Variants in SGMS1 observed in about 807,000 individuals in gnomAD.
SGMS1 encodes the protein sphingomyelin synthase 1.
In SGMS1, 13 loss-of-function variants were observed where a neutral mutation model predicts 46.2. The ratio of observed to expected loss-of-function variants is 0.28; its 90% CI spans 0.18 to 0.45. The LOEUF (loss-of-function observed/expected upper bound fraction) is 0.45. Among genes scored for constraint, SGMS1 ranks in the 20% least tolerant of loss-of-function variants. The pLI is 1.00. For missense variants in SGMS1, 324 were observed against 519.9 expected (o/e 0.62, Z 3.66); for synonymous variants, 203 against 187.8 (o/e 1.08, Z -0.66).
chr10:50,337,834 A>C lies in SGMS1; in HGVS notation c.623+5658T>G, dbSNP rs911399064. ...TTATGTTGGCTGATACCCACTTAAC[A>C]AATAAGGCCCCCAAAAGGCTTATCA... On this transcript the variant is annotated intron_variant, in intron 7 of 10. Transcript: ENST00000361781. 2.0e-5 allele frequency among the ~76,000 whole-genome samples: 3 copies of C among 151,850 alleles called. No homozygotes were observed. In the East Asian group the frequency reaches 5.8e-4, roughly 29 times the overall value.
chr10:50,319,307 CT>C lies in SGMS1; in HGVS notation c.742-7893del, dbSNP rs555003803. 2.6e-5 allele frequency among the ~76,000 whole-genome samples: 4 copies of C among 152,242 alleles called. No homozygotes were observed. In the South Asian group the frequency reaches 8.3e-4, roughly 32 times the overall value. ...TCACATTTTCTTCTCCTTTCTCTCA[CT>C]TTTTTTCCTGGGTCCCTTGGGAAGA... On this transcript the variant is annotated intron_variant, in intron 8 of 10. Coordinates refer to ENST00000361781, the MANE Select transcript of SGMS1 (RefSeq NM_147156.4).
chr10:50,518,521 G>C (rs1451735817), intron 3 of SGMS1, among the ~76,000 whole-genome samples: 2 of 152,126 alleles, frequency 1.3e-5, no homozygotes, highest in Non-Finnish European at 2.9e-5. Context: ...CCGCCTCCTG[G>C]GTTCAAGTGA....
chr10:50,403,024 A>T (rs1848962887), intron 6 of SGMS1, among the ~76,000 whole-genome samples: 1 of 152,320 alleles, frequency 6.6e-6, no homozygotes, highest in African/African-American at 2.4e-5. Context: ...AATGGCCCCC[A>T]GTTCCACCCA....
At chr10:50,361,636 C>T (rs1306586678) in intron 6 of SGMS1, among the ~76,000 whole-genome samples, 1 of 152,214 alleles carries the variant, frequency 6.6e-6, no homozygotes, top group Non-Finnish European at 1.5e-5. Flanking sequence ...ATCATGAATT[C>T]CTGGAGATCC....
At chr10:50,315,028 T>C (rs1847317215) in intron 8 of SGMS1, among the ~76,000 whole-genome samples, 1 of 152,206 alleles carries the variant, frequency 6.6e-6, no homozygotes, top group Admixed American at 6.5e-5. Context: ...GTGCCTGCTG[T>C]AAATGCATTC....
chr10:50,593,131 G>A (rs1322929446), intron 1 of SGMS1, among the ~76,000 whole-genome samples: 4 of 152,224 alleles, frequency 2.6e-5, no homozygotes, highest in Non-Finnish European at 5.9e-5. Context: ...AGAGATACAC[G>A]TGGGAAAGAA....
intron 5 of SGMS1, among the ~76,000 whole-genome samples, chr10:50,450,764 TTTC>T (rs1837096814): frequency 1.3e-5 from 2 of 152,018 alleles, no homozygotes; most frequent in African/African-American, 2.4e-5. Context: ...TCAAGAAAGC[TTTC>T]TTCATTTTAA....
intron 6 of SGMS1, among the ~76,000 whole-genome samples, chr10:50,352,445 C>T (rs926899302): frequency 1.3e-5 from 2 of 152,022 alleles, no homozygotes; most frequent in African/African-American, 2.4e-5. Flanking sequence ...AACATAGAGC[C>T]CAAATTACTA....
intron 6 of SGMS1, among the ~76,000 whole-genome samples, chr10:50,395,599 C>T (rs1041534720): frequency 4.6e-5 from 7 of 152,120 alleles, no homozygotes; most frequent in African/African-American, 1.2e-4. Flanking sequence ...AGAAAGTGAG[C>T]TGTTATTTCC....
At chr10:50,362,114 C>T (rs1250372934) in intron 6 of SGMS1, among the ~76,000 whole-genome samples, 2 of 152,194 alleles carry the variant, frequency 1.3e-5, no homozygotes, top group African/African-American at 4.8e-5. Context: ...AATGAGAATG[C>T]AAAGGAGATG....
intron 2 of SGMS1, among the ~76,000 whole-genome samples, chr10:50,568,987 T>C (rs1838314335): frequency 6.6e-6 from 1 of 152,150 alleles, no homozygotes; most frequent in South Asian, 2.1e-4. Flanking sequence ...GGTGAGTTCA[T>C]GTCCTTTGTA....
chr10:50,564,134 C>G (rs1333967737), intron 2 of SGMS1, among the ~76,000 whole-genome samples: 1 of 152,208 alleles, frequency 6.6e-6, no homozygotes, highest in South Asian at 2.1e-4. Context: ...ACCCGAGAGA[C>G]CATGTGTCAG....
intron 6 of SGMS1, among the ~76,000 whole-genome samples, chr10:50,391,086 G>C (rs1848758562): frequency 6.6e-6 from 1 of 152,162 alleles, no homozygotes; most frequent in Non-Finnish European, 1.5e-5. Context: ...CTGGTCAGAG[G>C]TATTGAGAAT....
chr10:50,386,716 T>A (rs908228964), intron 6 of SGMS1, among the ~76,000 whole-genome samples: 3 of 152,118 alleles, frequency 2.0e-5, no homozygotes, highest in Non-Finnish European at 2.9e-5. Flanking sequence ...AAGCAGAGAA[T>A]TGAACAGGGG....
At chr10:50,352,815 T>C (rs1022666523) in intron 6 of SGMS1, among the ~76,000 whole-genome samples, 2 of 152,170 alleles carry the variant, frequency 1.3e-5, no homozygotes, top group African/African-American at 2.4e-5. Flanking sequence ...AACACCTCTA[T>C]GCAAATAAAC....
chr10:50,394,464 G>A (rs1453408656), intron 6 of SGMS1, among the ~76,000 whole-genome samples: 1 of 152,178 alleles, frequency 6.6e-6, no homozygotes, highest in African/African-American at 2.4e-5. Flanking sequence ...GTCAAGCCTT[G>A]TTTAAGAGTC....
At chr10:50,595,713 A>G (rs576286950) in intron 1 of SGMS1, among the ~76,000 whole-genome samples, 1 of 152,180 alleles carries the variant, frequency 6.6e-6, no homozygotes, top group Non-Finnish European at 1.5e-5. Flanking sequence ...TGTGGTAGGC[A>G]AGTGTGACCT....
At chr10:50,556,794 T>C (rs909436513) in intron 2 of SGMS1, among the ~76,000 whole-genome samples, 6 of 152,230 alleles carry the variant, frequency 3.9e-5, no homozygotes, top group Non-Finnish European at 7.3e-5. Context: ...ATTATAATTT[T>C]CTTGCTTGCT....
intron 6 of SGMS1, among the ~76,000 whole-genome samples, chr10:50,413,031 T>G (rs1198501948): frequency 6.6e-6 from 1 of 152,234 alleles, no homozygotes; most frequent in Non-Finnish European, 1.5e-5. Context: ...AACTTCCTTA[T>G]ATATCCTCCT....
Sources: allele counts gnomAD v4.1 joint callset (sites outside exome capture counted in the v4.1 genomes callset), GRCh38; gene constraint gnomAD v4.1.1; transcripts MANE v1.5; gene names NCBI Gene and HGNC (gene_info 2026-07-23, HGNC 2026-07-21).